Variants in CFAP299 observed in about 807,000 individuals in gnomAD.
CFAP299 encodes the protein cilia- and flagella-associated protein 299.
CFAP299 carries 21 observed loss-of-function variants against 27.0 expected under a neutral mutation model. That is an observed-to-expected ratio of 0.78 (90% CI 0.55 to 1.12). The LOEUF is 1.12. Among genes scored for constraint, CFAP299 ranks in the 50% most tolerant of loss-of-function variants. The pLI is 0.00. For missense variants in CFAP299, 310 were observed against 276.6 expected (o/e 1.12, Z -0.86); for synonymous variants, 104 against 98.1 (o/e 1.06, Z -0.36).
chr4:80,906,920 A>G lies in CFAP299; in HGVS notation c.476+36785A>G, dbSNP rs1268256303. ...TTTCCCCATTGTCTTGGTAATTAACATTTGGCTCTTCATTACTTATGTAAA... is the reference window on the plus strand; with the variant it reads ...TTTCCCCATTGTCTTGGTAATTAACGTTTGGCTCTTCATTACTTATGTAAA... On this transcript the variant is annotated intron_variant, in intron 4 of 5. Transcript: ENST00000358105. Among the ~76,000 whole-genome samples the G allele has an allele frequency of 2.6e-5, 4 of 152,240 alleles. No individual in the cohort carries two copies. In the East Asian group the frequency reaches 7.7e-4, roughly 29 times the overall value.
intron 2 of CFAP299, among the ~76,000 whole-genome samples, chr4:80,576,197 A>ATAT (rs1553935644): frequency 0.012 from 398 of 32,432 alleles, 3 homozygotes; most frequent in African/African-American, 0.023. Context: ...TAAAAAAAAA[A>ATAT]ATATATATAT....
intron 2 of CFAP299, among the ~76,000 whole-genome samples, chr4:80,386,021 C>T (rs981132550): frequency 6.6e-6 from 1 of 152,220 alleles, no homozygotes; most frequent in East Asian, 1.9e-4. Flanking sequence ...CACCGGAAGG[C>T]GGCCATGAGC....
upstream of CFAP299, among the ~76,000 whole-genome samples, chr4:80,332,200 G>T (rs1315086801): frequency 6.6e-6 from 1 of 152,196 alleles, no homozygotes; most frequent in Non-Finnish European, 1.5e-5. Context: ...GGAGCAGTGC[G>T]TAAAAACAGA....
At position 80,736,863 on chromosome 4, in the gene CFAP299, G is replaced by C. The variant is rs550834460; in HGVS notation, c.334-133130G>C. Among the ~76,000 whole-genome samples the C allele has an allele frequency of 1.4e-4, 22 of 152,146 alleles. No homozygotes were observed. The East Asian group carries it at 1.5e-3, about 11-fold the overall frequency. On this transcript the variant is annotated intron_variant, in intron 3 of 5. Coordinates refer to ENST00000358105, the MANE Select transcript of CFAP299 (RefSeq NM_152770.3). ...ATGCTGCTATAAAGACACATGCACA[G>C]GTATGTTTATTGCTGCATTATTCAC...
chr4:80,882,371 G>C (rs2110177434), intron 4 of CFAP299, among the ~76,000 whole-genome samples: 1 of 152,306 alleles, frequency 6.6e-6, no homozygotes, highest in African/African-American at 2.4e-5. Flanking sequence ...GGGCGCAGTG[G>C]CTCACTCCTG....
chr4:80,444,098 C>T (rs890708328), intron 2 of CFAP299, among the ~76,000 whole-genome samples: 13 of 152,262 alleles, frequency 8.5e-5, no homozygotes, highest in African/African-American at 2.9e-4. Flanking sequence ...AAAATGGCCA[C>T]ACTGCCCACA....
intron 2 of CFAP299, among the ~76,000 whole-genome samples, chr4:80,406,045 A>C (rs1282030022): frequency 1.3e-5 from 2 of 152,190 alleles, no homozygotes; most frequent in Non-Finnish European, 1.5e-5. Flanking sequence ...GACTGAATAA[A>C]ACTCCAAAAC....
chr4:80,690,570 A>G (rs1313139972), intron 3 of CFAP299, among the ~76,000 whole-genome samples: 1 of 152,214 alleles, frequency 6.6e-6, no homozygotes, highest in South Asian at 2.1e-4. Context: ...TTATAGCACT[A>G]CATGCCCACA....
intron 2 of CFAP299, among the ~76,000 whole-genome samples, chr4:80,504,550 C>T (rs1170935069): frequency 1.6e-5 from 2 of 123,912 alleles, no homozygotes; most frequent in South Asian, 2.5e-4. Context: ...AAAATTTCCT[C>T]GGGAGAAAAA....
chr4:80,799,838 T>G (rs1395869898), intron 3 of CFAP299, among the ~76,000 whole-genome samples: 1 of 25,040 alleles, frequency 4.0e-5, no homozygotes, highest in Non-Finnish European at 5.4e-5. Context: ...ATTTATATAT[T>G]ATATTATATA....
chr4:80,916,252 A>AATAT (rs10696316), intron 4 of CFAP299, among the ~76,000 whole-genome samples: 3,282 of 60,344 alleles, frequency 0.054, 197 homozygotes, highest in Non-Finnish European at 0.082. Context: ...ACTAGACTGA[A>AATAT]ATATATATAT....
intron 3 of CFAP299, among the ~76,000 whole-genome samples, chr4:80,760,171 C>G (rs1047829768): frequency 2.0e-5 from 3 of 151,830 alleles, no homozygotes; most frequent in Admixed American, 6.6e-5. Flanking sequence ...GCATTTTTAA[C>G]TTAAATCATT....
chr4:80,931,732 A>ACACACACG lies in CFAP299; in HGVS notation c.477-13062_477-13055dup, dbSNP rs746680647. Among the ~76,000 whole-genome samples the ACACACACG allele has an allele frequency of 2.1e-3, 323 of 151,892 alleles. 2 individuals carry two copies. Among genetic ancestry groups the ACACACACG allele is most frequent in the Non-Finnish European group, 4.0e-3 (274 of 67,914 alleles). Reference sequence around the variant, plus strand: ...TTTTAACATGCACGCACACACACACACACACACGCACACACGCACACACAC... The same window carrying ACACACACG: ...TTTTAACATGCACGCACACACACACACACACACGCACACACGCACACACGCACACACAC... On this transcript the variant is annotated intron_variant, in intron 4 of 5. Transcript: ENST00000358105.
intron 3 of CFAP299, among the ~76,000 whole-genome samples, chr4:80,699,552 A>G (rs7667843): frequency 0.02 from 3,099 of 152,248 alleles, 45 homozygotes; most frequent in Admixed American, 0.034. Context: ...ATCAAGAAAT[A>G]TTGTTAGCTA....
chr4:80,739,911 A>T (rs190314667), intron 3 of CFAP299, among the ~76,000 whole-genome samples: 1 of 151,454 alleles, frequency 6.6e-6, no homozygotes, highest in South Asian at 2.1e-4. Context: ...TATTCAAGCT[A>T]TTTTTCTCTT....
chr4:80,755,115 C>T (rs1725159824), intron 3 of CFAP299, among the ~76,000 whole-genome samples: 1 of 151,920 alleles, frequency 6.6e-6, no homozygotes, highest in Non-Finnish European at 1.5e-5. Context: ...ATTAATACTA[C>T]AAAGAGGGAA....
chr4:80,936,446 A>G (rs886223539), intron 4 of CFAP299, among the ~76,000 whole-genome samples: 1 of 152,188 alleles, frequency 6.6e-6, no homozygotes, highest in African/African-American at 2.4e-5. Flanking sequence ...ACACCATGGA[A>G]CACTATGCAG....
chr4:80,504,462 C>CATATAT (rs56729877), intron 2 of CFAP299, among the ~76,000 whole-genome samples: 3,999 of 37,364 alleles, frequency 0.11, 395 homozygotes, highest in Non-Finnish European at 0.13. Flanking sequence ...TAAAATCTCA[C>CATATAT]ATATATATAT....
intron 1 of CFAP299, among the ~76,000 whole-genome samples, chr4:80,355,118 G>A (rs1468544842): frequency 6.6e-6 from 1 of 152,032 alleles, no homozygotes; most frequent in African/African-American, 2.4e-5. Flanking sequence ...TACAACGATT[G>A]AACTAATTTA....
Sources: gnomAD v4.1 joint callset for allele counts (sites outside exome capture counted in the v4.1 genomes callset) on GRCh38, gnomAD v4.1.1 for gene constraint, MANE v1.5 for transcripts, NCBI Gene and HGNC (gene_info 2026-07-23, HGNC 2026-07-21) for gene names.